The following GPC3 variants were observed in gnomAD, a reference collection of about 807,000 sequenced individuals.
GPC3 encodes glypican 3.
In GPC3, 3 loss-of-function variants were observed where a neutral mutation model predicts 34.4. The ratio of observed to expected loss-of-function variants is 0.09; its 90% CI spans 0.04 to 0.23. The LOEUF (loss-of-function observed/expected upper bound fraction) is 0.23. Among genes scored for constraint, GPC3 ranks in the 10% least tolerant of loss-of-function variants. The probability of loss-of-function intolerance (pLI) is 1.00; values close to 1 mark genes in which losing one functional copy is unlikely to be tolerated. For missense variants in GPC3, 351 were observed against 445.6 expected (o/e 0.79, Z 1.91); for synonymous variants, 177 against 174.0 (o/e 1.02, Z -0.13).
At chrX:133,618,309 A>G (rs910172373) in intron 6 of GPC3, among the ~76,000 whole-genome samples, 6 of 112,035 alleles carry the variant, frequency 5.4e-5, no homozygotes, top group African/African-American at 1.6e-4. Flanking sequence ...TAAAAATATA[A>G]GACAGATTTT....
At chrX:133,936,241 G>GA (rs1193034241) in intron 2 of GPC3, among the ~76,000 whole-genome samples, 34 of 100,247 alleles carry the variant, frequency 3.4e-4, no homozygotes, top group Non-Finnish European at 4.0e-4. Context: ...ATAATAAAGT[G>GA]AAAAAAAAAA....
At chrX:133,672,078 A>G (rs2070831891) in intron 5 of GPC3, among the ~76,000 whole-genome samples, 2 of 111,761 alleles carry the variant, frequency 1.8e-5, no homozygotes, top group South Asian at 3.7e-4. Context: ...GAAGCAAAGA[A>G]TATTTTTCAG....
chrX:133,549,646 C>A (rs2069414906), intron 7 of GPC3, among the ~76,000 whole-genome samples: 1 of 62,754 alleles, frequency 1.6e-5, no homozygotes, highest in African/African-American at 7.0e-5. Context: ...CCCTCTTTAT[C>A]TCTCTCTCTC....
chrX:133,604,809 A>T (rs1305289635), intron 6 of GPC3, among the ~76,000 whole-genome samples: 1 of 111,612 alleles, frequency 9.0e-6, no homozygotes, highest in Non-Finnish European at 1.9e-5. Flanking sequence ...CTGATTTTGA[A>T]CTATTTGGAT....
In GPC3 at chrX:133,775,705, C is replaced by T. The variant is rs751796539; in HGVS notation, c.338-21529G>A. On this transcript the variant is annotated intron_variant, in intron 2 of 7. Transcript: ENST00000370818. Reference sequence around the variant, plus strand: ...GATTGGACATAAACAATTCACTACACGAGGGGCTTTGGCAGAATTGAGAGC... The same window carrying T: ...GATTGGACATAAACAATTCACTACATGAGGGGCTTTGGCAGAATTGAGAGC... Among the ~76,000 whole-genome samples, 7 of 111,549 alleles carry T rather than the reference C, an allele frequency of 6.3e-5. No homozygotes were observed. The East Asian group carries it at 1.4e-3, about 22-fold the overall frequency.
chrX:133,650,019 A>G (rs1040140169), intron 6 of GPC3, among the ~76,000 whole-genome samples: 1 of 111,948 alleles, frequency 8.9e-6, no homozygotes, highest in Non-Finnish European at 1.9e-5. Flanking sequence ...GTCTCAAGAA[A>G]GCTCAGTAGC....
intron 2 of GPC3, among the ~76,000 whole-genome samples, chrX:133,950,059 A>C (rs1414237556): frequency 1.8e-5 from 2 of 112,091 alleles, no homozygotes; most frequent in East Asian, 2.8e-4. Flanking sequence ...AACTATTATA[A>C]GGTAGGGGAG....
intron 6 of GPC3, among the ~76,000 whole-genome samples, chrX:133,640,443 G>A (rs891478556): frequency 8.9e-6 from 1 of 111,801 alleles, no homozygotes; most frequent in Non-Finnish European, 1.9e-5. Flanking sequence ...TGCTGTATGC[G>A]TGGATGAAAG....
At chrX:133,837,841 T>C (rs1215827636) in intron 2 of GPC3, among the ~76,000 whole-genome samples, 1 of 112,641 alleles carries the variant, frequency 8.9e-6, no homozygotes, top group Non-Finnish European at 1.9e-5. Context: ...TAATTCATTG[T>C]TGAGGGTTTG....
At chrX:133,874,063 A>G (rs1361858720) in intron 2 of GPC3, among the ~76,000 whole-genome samples, 1 of 111,412 alleles carries the variant, frequency 9.0e-6, no homozygotes, top group Non-Finnish European at 1.9e-5. Flanking sequence ...CTGGGATCCA[A>G]CTTGCACCAA....
In GPC3 at chrX:133,839,444, T is replaced by C. The variant is rs2075814007; in HGVS notation, c.338-85268A>G. 1.8e-5 allele frequency among the ~76,000 whole-genome samples: 2 copies of C among 111,663 alleles called. 1 individual carries two copies. The highest frequency in any genetic ancestry group is 1.9e-4 in the Admixed American group (2 of 10,532). On this transcript the variant is annotated intron_variant, in intron 2 of 7. Coordinates refer to ENST00000370818, the MANE Select transcript of GPC3 (RefSeq NM_004484.4). ...ATACATATATCAAATCACCATGCTG[T>C]ATACCTTAAATATACACAATTTTTT... is the stretch of plus-strand genomic sequence containing the variant.
intron 6 of GPC3, among the ~76,000 whole-genome samples, chrX:133,627,135 T>TAA: frequency 1.3e-5 from 1 of 77,845 alleles, no homozygotes; most frequent in Non-Finnish European, 2.3e-5. Context: ...GGACACAGGG[T>TAA]GGGGAACATC....
At chrX:133,671,021 ACTTCAG>A in intron 5 of GPC3, 1 of 545,938 alleles carries the variant, frequency 1.8e-6, no homozygotes, top group Non-Finnish European at 3.3e-6. Flanking sequence ...CCAACCGACT[ACTTCAG>A]GGGAAACAAA....
At chrX:133,908,022 T>C (rs2076177685) in intron 2 of GPC3, among the ~76,000 whole-genome samples, 1 of 110,985 alleles carries the variant, frequency 9.0e-6, no homozygotes, top group Non-Finnish European at 1.9e-5. Flanking sequence ...ATCTCCTTGA[T>C]ACTAGTGCCA....
chrX:133,958,781 G>C (rs2124638233), intron 1 of GPC3, among the ~76,000 whole-genome samples: 1 of 105,423 alleles, frequency 9.5e-6, no homozygotes, highest in East Asian at 3.0e-4. Context: ...AGCTACTCCG[G>C]AGGTTGAGGC....
chrX:133,794,635 A>G (rs899736472), intron 2 of GPC3, among the ~76,000 whole-genome samples: 3 of 111,294 alleles, frequency 2.7e-5, no homozygotes, highest in Non-Finnish European at 5.7e-5. Flanking sequence ...GAAGAGAAAG[A>G]CCAAAAGTAA....
At chrX:133,791,604 T>C (rs1044784609) in intron 2 of GPC3, among the ~76,000 whole-genome samples, 2 of 110,801 alleles carry the variant, frequency 1.8e-5, no homozygotes, top group African/African-American at 6.6e-5. Flanking sequence ...TAGTCCTACT[T>C]CTACTATCAA....
intron 2 of GPC3, among the ~76,000 whole-genome samples, chrX:133,867,354 T>C (rs2075972787): frequency 9.0e-6 from 1 of 111,256 alleles, no homozygotes; most frequent in African/African-American, 3.3e-5. Flanking sequence ...AGAAAATAAA[T>C]GGCTGAAGAA....
chrX:133,840,217 A>G, intron 2 of GPC3, among the ~76,000 whole-genome samples: 1 of 111,418 alleles, frequency 9.0e-6, no homozygotes. Flanking sequence ...CAGAAGCTAT[A>G]GTGTCTTATA....
Sources: gnomAD v4.1 joint callset for allele counts (sites outside exome capture counted in the v4.1 genomes callset) on GRCh38, gnomAD v4.1.1 for gene constraint, MANE v1.5 for transcripts, NCBI Gene and HGNC (gene_info 2026-07-23, HGNC 2026-07-21) for gene names.